Variants in HNRNPA2B1 observed in about 807,000 individuals in gnomAD.
HNRNPA2B1 encodes the protein heterogeneous nuclear ribonucleoproteins A2/B1.
In HNRNPA2B1, 3 loss-of-function variants were observed where a neutral mutation model predicts 46.3. That is an observed-to-expected ratio of 0.06 (90% confidence interval 0.03 to 0.17). The LOEUF is 0.17. HNRNPA2B1 is among the 10% of genes least tolerant of loss of function. The pLI is 1.00. For missense variants in HNRNPA2B1, 221 were observed against 418.9 expected (o/e 0.53, Z 4.12); for synonymous variants, 225 against 133.8 (o/e 1.68, Z -4.70).
chr7:26,197,246 A>G, intron 3 of HNRNPA2B1, 69 bp downstream of exon 3: 1 of 1,491,864 alleles, frequency 6.7e-7, no homozygotes, highest in Non-Finnish European at 9.0e-7. Context: ...TAAATTCAGA[A>G]ATAGTTTCTG....
At chr7:26,198,650 T>C (rs1393272711) in intron 1 of HNRNPA2B1, 1 of 152,264 alleles carries the variant, frequency 6.6e-6, no homozygotes, top group Non-Finnish European at 1.5e-5. Flanking sequence ...CTGAAATCTT[T>C]ATATGCTGTA....
rs1004039439 is a variant in HNRNPA2B1 at position 26,190,097 on chromosome 7, A to T, written c.*2263T>A. On this transcript the variant is annotated 3_prime_UTR_variant, in exon 11 of 11. Transcript: ENST00000618183. The stretch of plus-strand genomic sequence containing the variant: ...AATATTTATAGAACAAGATTCACAC[A>T]TTTTATGTGTAAACATTACACCAAG... 29 of 152,648 alleles carry T rather than the reference A, an allele frequency of 1.9e-4. No homozygotes were observed. Among genetic ancestry groups the T allele is most frequent in the Admixed American group, 8.5e-4 (13 of 15,286 alleles). The allele number at this position is 152,648 out of a possible 1,614,324, so 9.5% of individuals were successfully genotyped here.
Position 26,200,640 on chromosome 7 carries a change from G to A in HNRNPA2B1, c.-63C>T. On this transcript the variant is annotated 5_prime_UTR_variant, in exon 1 of 11. Transcript: ENST00000618183. ...GAGCGAGATGAGAGAGATCTCCGCG[G>A]ACGAACACGAACCGGACTCGTCCTG... is the stretch of plus-strand genomic sequence containing the variant. 10 of 1,610,486 alleles carry A rather than the reference G, an allele frequency of 6.2e-6. No individual in the cohort carries two copies. The South Asian group carries it at 9.9e-5, about 16-fold the overall frequency.
chr7:26,199,416 C>T (rs1784082685), intron 1 of HNRNPA2B1: 1 of 152,236 alleles, frequency 6.6e-6, no homozygotes, highest in African/African-American at 2.4e-5. Flanking sequence ...AATCCATACG[C>T]ATTACAGGAA....
rs558954009 is a variant in HNRNPA2B1, at chr7:26,190,221, A to C, written c.*2139T>G. ...ACCTAATTTAAAACATGATACATTT[A>C]TCTCTCTAGCCAATTTGATGTTACT... On this transcript the variant is annotated 3_prime_UTR_variant, in exon 11 of 11. Transcript: ENST00000618183. 5 of 152,756 alleles carry C rather than the reference A, an allele frequency of 3.3e-5. No individual in the cohort carries two copies. Among genetic ancestry groups the C allele is most frequent in the East Asian group, 1.9e-4 (1 of 5,192 alleles). The allele number at this position is 152,756 out of a possible 1,614,324, so 9.5% of individuals were successfully genotyped here. A position where few individuals can be genotyped will look rare whatever the true frequency, so the allele number is the denominator to read the frequency against.
chr7:26,191,907 CTTAAA>C lies in HNRNPA2B1; in HGVS notation c.*448_*452del. ...ACAGCTTCTTAACTCTACACACGCACTTAAATTTTTTTAAAGGAAAAACGTTATGT... is the reference window on the plus strand; with the variant it reads ...ACAGCTTCTTAACTCTACACACGCACTTTTTTTAAAGGAAAAACGTTATGT... On this transcript the variant is annotated 3_prime_UTR_variant, in exon 11 of 11. Coordinates refer to ENST00000618183, the MANE Select transcript of HNRNPA2B1 (RefSeq NM_002137.4). 6.5e-6 allele frequency: 1 copy of C among 152,710 alleles called. No individual in the cohort carries two copies. The highest frequency in any genetic ancestry group is 6.5e-5 in the Admixed American group (1 of 15,282). The allele number at this position is 152,710 out of a possible 1,614,324, so 9.5% of individuals were successfully genotyped here.
intron 7 of HNRNPA2B1, 134 bp downstream of exon 7, chr7:26,195,713 T>G (rs925043737): frequency 2.2e-6 from 2 of 921,882 alleles, no homozygotes; most frequent in Non-Finnish European, 3.2e-6. Flanking sequence ...TAGAAATAAC[T>G]GGACCACTAT....
chr7:26,194,781 A>G (rs1253872328), intron 7 of HNRNPA2B1, among the ~76,000 whole-genome samples: 2 of 150,532 alleles, frequency 1.3e-5, no homozygotes, highest in Admixed American at 6.6e-5. Context: ...ACACTTTCAC[A>G]TACTGCAAAA....
chr7:26,200,277 G>C (rs904812384), intron 1 of HNRNPA2B1: 13 of 471,864 alleles, frequency 2.8e-5, no homozygotes, highest in African/African-American at 2.2e-4. Flanking sequence ...AAGGGAATAA[G>C]AATTCCCGCC....
chr7:26,198,028 TAAAA>T (rs199985423), intron 1 of HNRNPA2B1: 35 of 412,406 alleles, frequency 8.5e-5, no homozygotes, highest in South Asian at 1.3e-4. Flanking sequence ...AATTATTAAT[TAAAA>T]AAAAAACTTT....
At chr7:26,193,930 T>TC (rs1783197954) in intron 7 of HNRNPA2B1, among the ~76,000 whole-genome samples, 1 of 152,210 alleles carries the variant, frequency 6.6e-6, no homozygotes, top group Admixed American at 6.5e-5. Flanking sequence ...TCCACAGCTT[T>TC]CCCTCAAAAC....
At position 26,196,477 on chromosome 7, in the gene HNRNPA2B1, G is replaced by A. The variant is rs748117918; in HGVS notation, c.582C>T (p.Asn194=). The change falls in exon 6 of 11, where the codon AAC becomes AAT. Residue 194 remains asparagine, a synonymous_variant. Coordinates refer to ENST00000618183, the MANE Select transcript of HNRNPA2B1 (RefSeq NM_002137.4). ...VQSSRSGRGG[N]FGFGDSRGGG... Reference sequence around the variant, plus strand: ...CACCACGTGAATCCCCAAAGCCAAAGTTGCCTACAATAAATGCCCCAGTTA... The same window carrying A: ...CACCACGTGAATCCCCAAAGCCAAAATTGCCTACAATAAATGCCCCAGTTA... The A allele has an allele frequency of 2.5e-6, 4 of 1,614,056 alleles. No individual in the cohort carries two copies. In the South Asian group the frequency reaches 3.3e-5, roughly 13 times the overall value.
At chr7:26,193,172 A>C in intron 9 of HNRNPA2B1, 79 bp downstream of exon 9, 1 of 1,372,508 alleles carries the variant, frequency 7.3e-7, no homozygotes, top group Non-Finnish European at 1.0e-6. Flanking sequence ...ACTACTTAGT[A>C]TGTTATCTTC....
At chr7:26,196,377 A>C (rs1446694748) in intron 6 of HNRNPA2B1, 24 bp downstream of exon 6, 1 of 1,575,012 alleles carries the variant, frequency 6.3e-7, no homozygotes, top group Non-Finnish European at 8.7e-7. Context: ...CTCATCCTTT[A>C]AACACGTAGA....
chr7:26,196,884 G>A lies in HNRNPA2B1; in HGVS notation c.398C>T (p.Thr133Ile). 1 of 1,613,866 alleles carries A rather than the reference G, an allele frequency of 6.2e-7. No homozygotes were observed. The highest frequency in any genetic ancestry group is 1.1e-5 in the South Asian group (1 of 91,080). Reference protein sequence around the residue: ...YGKIDTIEIITDRQSGKKRGF... With the variant: ...YGKIDTIEIIIDRQSGKKRGF... Reference sequence around the variant, plus strand: ...TCTTTTCTTTCCAGACTGCCTATCAGTAATTATCTCAATGGTATCAATTTT... The same window carrying A: ...TCTTTTCTTTCCAGACTGCCTATCAATAATTATCTCAATGGTATCAATTTT... The change falls in exon 4 of 11, where the codon ACT (threonine) becomes ATT (isoleucine). Residue 133 changes from threonine to isoleucine, a missense_variant. Coordinates refer to ENST00000618183, the MANE Select transcript of HNRNPA2B1 (RefSeq NM_002137.4).
intron 9 of HNRNPA2B1, among the ~76,000 whole-genome samples, chr7:26,193,041 C>T (rs1443457834): frequency 6.6e-6 from 1 of 152,150 alleles, no homozygotes; most frequent in East Asian, 1.9e-4. Context: ...AACACCCCCA[C>T]CTCCAACATC....
chr7:26,196,338 A>T (rs187558378), intron 6 of HNRNPA2B1, 63 bp downstream of exon 6: 1 of 1,339,032 alleles, frequency 7.5e-7, no homozygotes, highest in African/African-American at 1.5e-5. Context: ...TACTAATGAA[A>T]ACCTAATCAT....
chr7:26,197,990 T>C (rs1332872622), intron 1 of HNRNPA2B1: 8 of 527,514 alleles, frequency 1.5e-5, no homozygotes, highest in Middle Eastern at 4.9e-4. Context: ...ATGCTTGATA[T>C]AAATTTACTC....
In HNRNPA2B1 at chr7:26,200,734, C is replaced by CGCTGCT; in HGVS notation, c.-163_-158dup. The CGCTGCT allele has an allele frequency of 3.3e-6, 3 of 907,120 alleles. No homozygotes were observed. Among genetic ancestry groups the CGCTGCT allele is most frequent in the Non-Finnish European group, 5.4e-6 (3 of 560,660 alleles). The allele number at this position is 907,120 out of a possible 1,614,324, so 56.2% of individuals were successfully genotyped here. ...AGGAGCACCTCCGCACGGGACCCGG[C>CGCTGCT]GCTGCTGCTACTGCCGCTAGAGCCG... On this transcript the variant is annotated 5_prime_UTR_variant, in exon 1 of 11. Transcript: ENST00000618183.
Sources: allele counts gnomAD v4.1 joint callset (sites outside exome capture counted in the v4.1 genomes callset), GRCh38; gene constraint gnomAD v4.1.1; transcripts MANE v1.5; gene names NCBI Gene and HGNC (gene_info 2026-07-23, HGNC 2026-07-21).